Variants in NCAM2 observed in about 807,000 individuals in gnomAD.
The protein encoded by NCAM2 is neural cell adhesion molecule 2, also known as N-CAM-2.
A neutral mutation model predicts 98.1 loss-of-function variants in NCAM2; 30 were observed. The ratio of observed to expected loss-of-function variants is 0.31; its 90% confidence interval spans 0.23 to 0.41. NCAM2 has a LOEUF of 0.41. Among genes scored for constraint, NCAM2 ranks in the 10% least tolerant of loss-of-function variants. The probability of loss-of-function intolerance (pLI) is 1.00; values close to 1 mark genes in which losing one functional copy is unlikely to be tolerated. For synonymous variants in NCAM2, 368 were observed against 342.4 expected (o/e 1.07, Z -0.83); for missense variants, 867 against 1,005.8 (o/e 0.86, Z 1.87).
At chr21:21,020,152 C>T (rs1358647770) in intron 1 of NCAM2, among the ~76,000 whole-genome samples, 1 of 152,150 alleles carries the variant, frequency 6.6e-6, no homozygotes, top group Non-Finnish European at 1.5e-5. Context: ...TCTCCTGCCT[C>T]AGCCTCCCGA....
chr21:21,495,566 A>T (rs1440013721), intron 15 of NCAM2, among the ~76,000 whole-genome samples: 2 of 152,012 alleles, frequency 1.3e-5, no homozygotes, highest in African/African-American at 4.8e-5. Context: ...GCTGTTTGTC[A>T]ATTTTGATTT....
In NCAM2 at chr21:21,450,958, A is replaced by AAT. The variant is rs112930722; in HGVS notation, c.1655-15634_1655-15633dup. The stretch of plus-strand genomic sequence containing the variant: ...TTAAAGGGTGGGAGAAAGAAGTAGG[A>AAT]ATATATATATATATAGGTCCAATAT... On this transcript the variant is annotated intron_variant, in intron 12 of 17. Coordinates refer to ENST00000400546, the MANE Select transcript of NCAM2 (RefSeq NM_004540.5). 4.4e-3 allele frequency among the ~76,000 whole-genome samples: 658 copies of AAT among 150,700 alleles called. 1 individual carries two copies. The highest frequency in any genetic ancestry group is 6.8e-3 in the Middle Eastern group (2 of 292).
At chr21:21,508,537 A>T (rs1988134223) in intron 15 of NCAM2, among the ~76,000 whole-genome samples, 1 of 151,912 alleles carries the variant, frequency 6.6e-6, no homozygotes, top group Non-Finnish European at 1.5e-5. Flanking sequence ...CCCCACAGGG[A>T]TTCAAGAGGT....
At chr21:21,398,997 C>T (rs992148656) in intron 9 of NCAM2, among the ~76,000 whole-genome samples, 2 of 152,090 alleles carry the variant, frequency 1.3e-5, no homozygotes, top group Admixed American at 6.6e-5. Context: ...GTACAAATTT[C>T]AGCCTCTTTT....
Position 21,411,243 on chromosome 21 carries a change from T to C in NCAM2, c.1383+782T>C, listed in dbSNP as rs562029726. On this transcript the variant is annotated intron_variant, in intron 10 of 17. Coordinates refer to ENST00000400546, the MANE Select transcript of NCAM2 (RefSeq NM_004540.5). ...CCATATATATATATATGGAAAAATC[T>C]AGGAAGAAAAAATTGGTAATGTAAT... 3.5e-4 allele frequency among the ~76,000 whole-genome samples: 50 copies of C among 144,086 alleles called. No individual in the cohort carries two copies. In the South Asian group the frequency reaches 0.011, roughly 32 times the overall value. The allele number at this position is 144,086 out of a possible 152,430, so 94.5% of individuals were successfully genotyped here.
Position 21,292,112 on chromosome 21 carries a change from G to A in NCAM2, c.490G>A (p.Ala164Thr), listed in dbSNP as rs898441273. The A allele has an allele frequency of 1.2e-5, 19 of 1,608,330 alleles. No individual in the cohort carries two copies. The Middle Eastern group carries it at 5.0e-4, about 42-fold the overall frequency. Reference protein sequence around the residue: ...EVTTISDNRFAMLANNNLQIL... With the variant: ...EVTTISDNRFTMLANNNLQIL... ...CTTTGCTTTCTTTCCAGATCGGTTC[G>A]CTATGTTAGCAAACAATAACCTGCA... The change falls in exon 5 of 18, where the codon GCT becomes ACT. Residue 164 changes from alanine to threonine, a missense_variant. By Grantham distance (58) the Ala-to-Thr change is moderately conservative. Transcript: ENST00000400546.
chr21:21,216,871 A>T (rs1434920140), intron 1 of NCAM2, among the ~76,000 whole-genome samples: 1 of 152,206 alleles, frequency 6.6e-6, no homozygotes, highest in Non-Finnish European at 1.5e-5. Context: ...GACACAAATT[A>T]AAAGAAAAGA....
At chr21:20,998,678 G>A in intron 1 of NCAM2, 60 bp downstream of exon 1, 1 of 1,477,098 alleles carries the variant, frequency 6.8e-7, no homozygotes, top group Admixed American at 1.7e-5. Context: ...GGCCAAGAGA[G>A]GCAAAGAGGG....
At chr21:21,397,967 A>T (rs1001344568) in intron 9 of NCAM2, among the ~76,000 whole-genome samples, 2 of 152,252 alleles carry the variant, frequency 1.3e-5, no homozygotes, top group African/African-American at 4.8e-5. Context: ...ACACTTGCAC[A>T]TGCATGTTTA....
At chr21:21,142,757 G>A (rs1337158984) in intron 1 of NCAM2, among the ~76,000 whole-genome samples, 1 of 152,078 alleles carries the variant, frequency 6.6e-6, no homozygotes, top group African/African-American at 2.4e-5. Flanking sequence ...ATATAATAAA[G>A]TTGTATATTA....
chr21:21,501,320 T>C (rs1023904306), intron 15 of NCAM2, among the ~76,000 whole-genome samples: 1 of 152,086 alleles, frequency 6.6e-6, no homozygotes, highest in Non-Finnish European at 1.5e-5. Flanking sequence ...TCTCAGAATG[T>C]GTCTTCCATA....
At chr21:21,363,727 A>G (rs1020951463) in intron 8 of NCAM2, among the ~76,000 whole-genome samples, 1 of 151,844 alleles carries the variant, frequency 6.6e-6, no homozygotes, top group Non-Finnish European at 1.5e-5. Flanking sequence ...TACTGTTTTA[A>G]TTATTTTTTT....
At chr21:21,120,706 T>C (rs2066653759) in intron 1 of NCAM2, among the ~76,000 whole-genome samples, 1 of 143,982 alleles carries the variant, frequency 6.9e-6, no homozygotes, top group Admixed American at 7.5e-5. Context: ...GATGTTTATT[T>C]ATTTTTTTGT....
chr21:21,086,657 G>A (rs1471343853), intron 1 of NCAM2, among the ~76,000 whole-genome samples: 1 of 152,146 alleles, frequency 6.6e-6, no homozygotes, highest in South Asian at 2.1e-4. Flanking sequence ...CACCACAAAC[G>A]GTAATTAGAC....
chr21:21,091,773 A>G (rs2066016882), intron 1 of NCAM2, among the ~76,000 whole-genome samples: 1 of 152,240 alleles, frequency 6.6e-6, no homozygotes, highest in Admixed American at 6.5e-5. Flanking sequence ...TAGAGCAATC[A>G]TATATCTTAA....
Position 21,477,327 on chromosome 21 carries a change from C to A in NCAM2, c.1933C>A (p.Gln645Lys). ...AGACCAATGGCTAGAGAAAAAAGTG[C>A]AAGGAAATAAAGACCACATCATTTT... ...KEDQWLEKKV[Q>K]GNKDHIILEH... The change falls in exon 15 of 18, where the codon CAA becomes AAA. Residue 645 changes from glutamine to lysine, a missense_variant. Physicochemically the swap from Gln to Lys is moderately conservative, Grantham distance 53. This residue lies in a region of NCAM2 where 234 missense variants were observed against 333.8 expected (regional missense o/e 0.70). Coordinates refer to ENST00000400546, the MANE Select transcript of NCAM2 (RefSeq NM_004540.5). 1 of 1,602,032 alleles carries A rather than the reference C, an allele frequency of 6.2e-7. No homozygotes were observed. Among genetic ancestry groups the A allele is most frequent in the Non-Finnish European group, 8.5e-7 (1 of 1,172,956 alleles).
In NCAM2 at chr21:21,208,348, A is replaced by G. The variant is rs73316707; in HGVS notation, c.56-72230A>G. ...CTTCAAACCATTTAAATGTCTTTAG[A>G]CTAATAAAATCCAATCTGTACTAGG... On this transcript the variant is annotated intron_variant, in intron 1 of 17. Coordinates refer to ENST00000400546, the MANE Select transcript of NCAM2 (RefSeq NM_004540.5). Among the ~76,000 whole-genome samples the G allele has an allele frequency of 4.0e-3, 616 of 152,300 alleles. 10 individuals carry two copies. Among genetic ancestry groups the G allele is most frequent in the African/African-American group, 0.014 (591 of 41,570 alleles).
chr21:21,512,060 T>C (rs960684622), intron 16 of NCAM2, among the ~76,000 whole-genome samples: 9 of 152,038 alleles, frequency 5.9e-5, no homozygotes, highest in African/African-American at 2.2e-4. Flanking sequence ...CACTTCACTT[T>C]GTTAATTGTT....
chr21:21,096,159 G>A lies in NCAM2; in HGVS notation c.55+97541G>A, dbSNP rs1228665149. Among the ~76,000 whole-genome samples, 2 of 151,624 alleles carry A rather than the reference G, an allele frequency of 1.3e-5. 1 individual carries two copies. Among genetic ancestry groups the A allele is most frequent in the Non-Finnish European group, 3.0e-5 (2 of 67,692 alleles). Reference sequence around the variant, plus strand: ...CGGATAATGCCACACATTCTTGTGAGCAAGGGTAACCTTGCTAGGTTCTTC... The same window carrying A: ...CGGATAATGCCACACATTCTTGTGAACAAGGGTAACCTTGCTAGGTTCTTC... On this transcript the variant is annotated intron_variant, in intron 1 of 17. Coordinates refer to ENST00000400546, the MANE Select transcript of NCAM2 (RefSeq NM_004540.5).
Sources: allele counts gnomAD v4.1 joint callset (sites outside exome capture counted in the v4.1 genomes callset), GRCh38; gene constraint gnomAD v4.1.1; regional missense constraint gnomAD v4.1.1; transcripts MANE v1.5; gene names NCBI Gene and HGNC (gene_info 2026-07-23, HGNC 2026-07-21).